The following NBPF15 variants were observed in gnomAD, a reference collection of about 807,000 sequenced individuals.
NBPF15 encodes the protein NBPF family member NBPF15.
Under a neutral mutation model 62.2 loss-of-function variants are expected in NBPF15, and 74 were observed. That is an observed-to-expected ratio of 1.19 (90% CI 0.99 to 1.44). The LOEUF (loss-of-function observed/expected upper bound fraction) is 1.44. Ranked by LOEUF, NBPF15 falls within the 40% of genes most tolerant of loss-of-function variation. NBPF15 has a pLI of 0.00. For synonymous variants in NBPF15, 244 were observed against 209.7 expected (o/e 1.16, Z -1.41); for missense variants, 790 against 550.0 (o/e 1.44, Z -4.36).
At chr1:144,437,773 A>AGAAC (rs1679621227) in intron 9 of NBPF15, among the ~76,000 whole-genome samples, 172 bp downstream of exon 9, 1 of 151,894 alleles carries the variant, frequency 6.6e-6, no homozygotes, top group Non-Finnish European at 1.5e-5. Context: ...CAACCCATAC[A>AGAAC]TTTTTATTAT....
intron 2 of NBPF15, among the ~76,000 whole-genome samples, chr1:144,459,943 C>A (rs1571174354): frequency 6.6e-6 from 1 of 151,130 alleles, no homozygotes; most frequent in Admixed American, 6.6e-5. Context: ...CCAACAATGC[C>A]ACTCCTACAA....
In NBPF15 at chr1:144,428,349, C is replaced by G. The variant is rs1205972808; in HGVS notation, c.1040+257G>C. Among the ~76,000 whole-genome samples the G allele has an allele frequency of 1.1e-3, 161 of 151,964 alleles. 4 individuals are homozygous for G. In the South Asian group the frequency reaches 0.032, roughly 30 times the overall value. Reference sequence around the variant, plus strand: ...TCAATAATTTTGCATAAAATGTGCTCAAGTTTCCCTGCAGTTACCATGAGA... The same window carrying G: ...TCAATAATTTTGCATAAAATGTGCTGAAGTTTCCCTGCAGTTACCATGAGA... On this transcript the variant is annotated intron_variant, in intron 15 of 21. Coordinates refer to ENST00000581897, the MANE Select transcript of NBPF15 (RefSeq NM_001385408.1).
intron 4 of NBPF15, among the ~76,000 whole-genome samples, chr1:144,455,487 C>T (rs1693902137): frequency 6.6e-6 from 1 of 151,986 alleles, no homozygotes; most frequent in Non-Finnish European, 1.5e-5. Flanking sequence ...CTCTGGCCCA[C>T]TGTTGCCAGA....
chr1:144,459,305 A>T lies in NBPF15; in HGVS notation c.-701+61T>A, dbSNP rs587669983. 3.7e-3 allele frequency: 562 copies of T among 152,140 alleles called. 9 individuals are homozygous for T. Among genetic ancestry groups the T allele is most frequent in the African/African-American group, 0.013 (527 of 41,492 alleles). 9.4% of individuals were successfully genotyped at this position (152,140 alleles called of 1,614,324 possible). A position where few individuals can be genotyped will look rare whatever the true frequency, so the allele number is the denominator to read the frequency against. ...CAGGAATTCCAGACCAGCCTATGCAATGTGGCAAAACCCCATCTCTACTAA... is the reference window on the plus strand; with the variant it reads ...CAGGAATTCCAGACCAGCCTATGCATTGTGGCAAAACCCCATCTCTACTAA... On this transcript the variant is annotated intron_variant, in intron 3 of 21. Coordinates refer to ENST00000581897, the MANE Select transcript of NBPF15 (RefSeq NM_001385408.1).
chr1:144,445,272 A>G (rs1357402250), intron 6 of NBPF15, among the ~76,000 whole-genome samples: 42 of 114,994 alleles, frequency 3.7e-4, no homozygotes, highest in Middle Eastern at 5.0e-3. Context: ...CTGTATATGT[A>G]TATATATATA....
rs1681603263 is a variant in NBPF15 at position 144,439,976 on chromosome 1, T to C, written c.28A>G (p.Ser10Gly). 6.2e-7 allele frequency: 1 copy of C among 1,610,234 alleles called. No homozygotes were observed. The highest frequency in any genetic ancestry group is 8.5e-7 in the Non-Finnish European group (1 of 1,178,304). MVVSAGPLS[S>G]EKAEMNILEI... Reference sequence around the variant, plus strand: ...AGAATGTTCATCTCTGCCTTCTCGCTGGACAAAGGGCCGGCTGATACCACC... The same window carrying C: ...AGAATGTTCATCTCTGCCTTCTCGCCGGACAAAGGGCCGGCTGATACCACC... The change falls in exon 8 of 22, where the codon AGC (serine) becomes GGC (glycine). Residue 10 changes from serine (S) to glycine (G), a missense_variant. Physicochemically the swap from Ser to Gly is moderately conservative, Grantham distance 56. Transcript: ENST00000581897.
intron 21 of NBPF15, 124 bp from the exon 22 acceptor site, chr1:144,423,380 G>T: frequency 6.4e-7 from 1 of 1,574,528 alleles, no homozygotes; most frequent in Non-Finnish European, 8.6e-7. Flanking sequence ...CATTAATGAG[G>T]TAAAAAAAAA....
chr1:144,427,529 C>CA (rs1402449183), intron 16 of NBPF15, among the ~76,000 whole-genome samples: 1 of 148,154 alleles, frequency 6.7e-6, no homozygotes, highest in African/African-American at 2.5e-5. Flanking sequence ...AAAATTGAGA[C>CA]AAAATCAGAG....
At chr1:144,442,316 A>ATT (rs587710926) in intron 6 of NBPF15, among the ~76,000 whole-genome samples, 3 of 132,010 alleles carry the variant, frequency 2.3e-5, no homozygotes, top group Non-Finnish European at 4.8e-5. Context: ...ACGTGTATAT[A>ATT]TTATATATAT....
intron 10 of NBPF15, among the ~76,000 whole-genome samples, chr1:144,436,397 T>C (rs76821083): frequency 0.093 from 13,992 of 150,066 alleles, 1,769 homozygotes; most frequent in African/African-American, 0.29. Context: ...CATCACACGG[T>C]GAGGGCCTTC....
At chr1:144,424,250 A>T (rs1261563593) in intron 20 of NBPF15, among the ~76,000 whole-genome samples, 1 of 151,706 alleles carries the variant, frequency 6.6e-6, no homozygotes, top group Non-Finnish European at 1.5e-5. Flanking sequence ...ATATTTTTCC[A>T]ATCAATTTAA....
At position 144,427,860 on chromosome 1, in the gene NBPF15, C is replaced by T. The variant is rs201454666; in HGVS notation, c.1171G>A (p.Val391Ile). Residue 391 changes from valine (V) to isoleucine (I), a missense_variant, in exon 16 of 22, where the codon GTA becomes ATA. Transcript: ENST00000581897. ...AAGCCAACACGCTGTTGCTCCAATA[C>T]GTAAAAGGCACTTCTGTAGGGCTGG... Reference protein sequence around the residue: ...SCQPYRSAFYVLEQQRVGLAI... With the variant: ...SCQPYRSAFYILEQQRVGLAI... 818 of 687,522 alleles carry T rather than the reference C, an allele frequency of 1.2e-3. 5 individuals carry two copies. The highest frequency in any genetic ancestry group is 4.7e-4 in the Non-Finnish European group (176 of 376,986). The allele number at this position is 687,522 out of a possible 1,614,324, so 42.6% of individuals were successfully genotyped here.
In NBPF15 at chr1:144,456,333, C is replaced by A. The variant is rs587668805; in HGVS notation, c.-432+204G>T. On this transcript the variant is annotated intron_variant, in intron 4 of 21. Transcript: ENST00000581897. ...CTCTCCTGAGGTAAAATCACTTCCACCTGACGACGGCACTGCAGGTCGAGG... is the reference window on the plus strand; with the variant it reads ...CTCTCCTGAGGTAAAATCACTTCCAACTGACGACGGCACTGCAGGTCGAGG... Among the ~76,000 whole-genome samples the A allele has an allele frequency of 3.9e-5, 6 of 152,142 alleles. No individual in the cohort carries two copies. In the East Asian group the frequency reaches 1.2e-3, roughly 29 times the overall value.
intron 3 of NBPF15, among the ~76,000 whole-genome samples, chr1:144,457,722 G>T (rs1356768103): frequency 6.6e-6 from 1 of 151,908 alleles, no homozygotes; most frequent in African/African-American, 2.4e-5. Context: ...TAACAACAAT[G>T]AATACTATAC....
At chr1:144,455,985 C>A (rs1379155203) in intron 4 of NBPF15, among the ~76,000 whole-genome samples, 1 of 152,006 alleles carries the variant, frequency 6.6e-6, no homozygotes, top group Non-Finnish European at 1.5e-5. Context: ...GAGATGGGAA[C>A]GGCCTTCAAA....
Position 144,423,032 on chromosome 1 carries a change from C to A in NBPF15, c.1994G>T (p.Gly665Val). Residue 665 changes from glycine (G) to valine (V), a missense_variant, in exon 22 of 22, where the codon GGA becomes GTA. By Grantham distance (109) the Gly-to-Val change is moderately radical. Transcript: ENST00000581897. The part of the protein sequence containing the change: ...VTSLHLVFQM[G>V]VIFPQ Reference sequence around the variant, plus strand: ...AGCTGCTTATTGTGGGAATATGACTCCCATCTGGAACACCAGGTGGAGACT... The same window carrying A: ...AGCTGCTTATTGTGGGAATATGACTACCATCTGGAACACCAGGTGGAGACT... The A allele has an allele frequency of 6.2e-7, 1 of 1,611,564 alleles. No individual in the cohort carries two copies. The highest frequency in any genetic ancestry group is 8.5e-7 in the Non-Finnish European group (1 of 1,179,610).
chr1:144,460,056 TTTTG>T (rs1651499657), intron 2 of NBPF15, among the ~76,000 whole-genome samples: 2 of 122,676 alleles, frequency 1.6e-5, no homozygotes, highest in African/African-American at 6.5e-5. Flanking sequence ...TTTTTTTTTT[TTTTG>T]GAGACAGGGT....
In NBPF15 at chr1:144,421,435, C is replaced by CCAAT. The variant is rs1243462053; in HGVS notation, c.*1574_*1577dup. Reference sequence around the variant, plus strand: ...TAATTCGCATCAGTACCCACCAAAACCAATCAGCATAATCAAATATTATAA... The same window carrying CCAAT: ...TAATTCGCATCAGTACCCACCAAAACCAATCAATCAGCATAATCAAATATTATAA... On this transcript the variant is annotated 3_prime_UTR_variant, in exon 22 of 22. Coordinates refer to ENST00000581897, the MANE Select transcript of NBPF15 (RefSeq NM_001385408.1). The CCAAT allele has an allele frequency of 6.6e-6, 1 of 151,520 alleles. No individual in the cohort carries two copies. Among genetic ancestry groups the CCAAT allele is most frequent in the Admixed American group, 6.6e-5 (1 of 15,222 alleles). 9.4% of individuals were successfully genotyped at this position (151,520 alleles called of 1,614,324 possible).
rs1405978258 is a variant in NBPF15, at chr1:144,424,578, C to T, written c.1663+112G>A. On this transcript the variant is annotated intron_variant, in intron 20 of 21. Coordinates refer to ENST00000581897, the MANE Select transcript of NBPF15 (RefSeq NM_001385408.1). Reference sequence around the variant, plus strand: ...TTCAACCTACATGTGCCTATAGGTCCTCACTGCGGCAATGACATCTCTCAG... The same window carrying T: ...TTCAACCTACATGTGCCTATAGGTCTTCACTGCGGCAATGACATCTCTCAG... The T allele has an allele frequency of 6.4e-4, 416 of 653,942 alleles. 3 individuals are homozygous for T. The East Asian group carries it at 8.7e-3, about 14-fold the overall frequency. The allele number at this position is 653,942 out of a possible 1,614,324, so 40.5% of individuals were successfully genotyped here. A position where few individuals can be genotyped will look rare whatever the true frequency, so the allele number is the denominator to read the frequency against.
Sources: gnomAD v4.1 joint callset for allele counts (sites outside exome capture counted in the v4.1 genomes callset) on GRCh38, gnomAD v4.1.1 for gene constraint, MANE v1.5 for transcripts, NCBI Gene and HGNC (gene_info 2026-07-23, HGNC 2026-07-21) for gene names.